Variants in TAFA1 observed in about 807,000 individuals in gnomAD.
TAFA1 encodes TAFA chemokine like family member 1.
TAFA1 carries 4 observed loss-of-function variants against 18.5 expected under a neutral mutation model. The observed-to-expected ratio is 0.22, with a 90% CI of 0.11 to 0.49. The LOEUF (loss-of-function observed/expected upper bound fraction) is 0.49, where lower values mean the gene tolerates loss of function less well. Among genes scored for constraint, TAFA1 ranks in the 20% least tolerant of loss-of-function variants. The pLI is 0.98. For synonymous variants in TAFA1, 56 were observed against 55.2 expected (o/e 1.01, Z -0.06); for missense variants, 147 against 169.0 (o/e 0.87, Z 0.72).
At chr3:68,508,266 C>T (rs1006965153) in intron 3 of TAFA1, among the ~76,000 whole-genome samples, 1 of 151,740 alleles carries the variant, frequency 6.6e-6, no homozygotes, top group Non-Finnish European at 1.5e-5. Flanking sequence ...TACTTGCTTA[C>T]TCCAAATGCT....
At chr3:68,070,635 C>T (rs2064742572) in intron 2 of TAFA1, among the ~76,000 whole-genome samples, 1 of 152,230 alleles carries the variant, frequency 6.6e-6, no homozygotes, top group Non-Finnish European at 1.5e-5. Context: ...CATTGTCAGG[C>T]TACACATTTT....
intron 2 of TAFA1, among the ~76,000 whole-genome samples, chr3:68,010,019 C>T (rs1316709673): frequency 3.3e-5 from 5 of 152,118 alleles, no homozygotes; most frequent in Non-Finnish European, 5.9e-5. Flanking sequence ...ATGAGACACC[C>T]GCAGACCCTG....
intron 2 of TAFA1, among the ~76,000 whole-genome samples, chr3:68,167,353 G>A (rs1006446350): frequency 7.2e-5 from 11 of 152,126 alleles, no homozygotes; most frequent in African/African-American, 2.4e-4. Flanking sequence ...TGAGGCAGGC[G>A]GATCACGAGG....
At chr3:68,008,514 C>T (rs1196258632) in intron 2 of TAFA1, among the ~76,000 whole-genome samples, 1 of 152,128 alleles carries the variant, frequency 6.6e-6, no homozygotes, top group Non-Finnish European at 1.5e-5. Flanking sequence ...TCTCCCCTTT[C>T]GCCCAGGAAA....
At chr3:68,542,616 T>C (rs914725576) in intron 4 of TAFA1, among the ~76,000 whole-genome samples, 3 of 152,138 alleles carry the variant, frequency 2.0e-5, no homozygotes, top group Non-Finnish European at 4.4e-5. Flanking sequence ...GAAAGTTTAT[T>C]TGGCAAAGGT....
chr3:68,222,559 A>G (rs972475884), intron 2 of TAFA1, among the ~76,000 whole-genome samples: 2 of 152,196 alleles, frequency 1.3e-5, no homozygotes, highest in Admixed American at 6.5e-5. Context: ...GTTTATTTGT[A>G]CAGGATCTTT....
chr3:68,326,986 G>A (rs939679095), intron 2 of TAFA1, among the ~76,000 whole-genome samples: 2 of 152,158 alleles, frequency 1.3e-5, no homozygotes, highest in African/African-American at 4.8e-5. Context: ...ATTCCAAGTT[G>A]TTATGGGAGG....
chr3:68,208,223 T>C (rs911157019), intron 2 of TAFA1, among the ~76,000 whole-genome samples: 18 of 151,956 alleles, frequency 1.2e-4, no homozygotes, highest in African/African-American at 3.9e-4. Context: ...ACCTGGTCAT[T>C]TTATTTCAAT....
the TAFA1 span, among the ~76,000 whole-genome samples, chr3:67,992,785 T>C: frequency 1.3e-5 from 2 of 152,214 alleles, no homozygotes; most frequent in African/African-American, 4.8e-5. Flanking sequence ...AGTTTTCCTC[T>C]TTCTCTTGTG....
intron 2 of TAFA1, among the ~76,000 whole-genome samples, chr3:68,106,657 C>A (rs550748664): frequency 6.6e-6 from 1 of 151,972 alleles, no homozygotes; most frequent in African/African-American, 2.4e-5. Flanking sequence ...AAAGGCAAGT[C>A]GATGGACTGG....
intron 2 of TAFA1, among the ~76,000 whole-genome samples, chr3:68,254,059 G>A (rs755781605): frequency 6.6e-6 from 1 of 151,972 alleles, no homozygotes; most frequent in African/African-American, 2.4e-5. Flanking sequence ...CTGTGTTTCT[G>A]TCTATCTGTC....
intron 2 of TAFA1, among the ~76,000 whole-genome samples, chr3:68,302,617 T>C (rs2068325029): frequency 6.6e-6 from 1 of 152,130 alleles, no homozygotes; most frequent in Admixed American, 6.5e-5. Flanking sequence ...ACTTGTCTTT[T>C]CCATTGTTGT....
chr3:68,060,486 G>A (rs1575596111), intron 2 of TAFA1, among the ~76,000 whole-genome samples: 1 of 152,222 alleles, frequency 6.6e-6, no homozygotes, highest in Admixed American at 6.5e-5. Flanking sequence ...CCTTGACGGA[G>A]TGAAACTAGG....
chr3:68,264,008 G>A lies in TAFA1; in HGVS notation c.119-153272G>A, dbSNP rs184247833. On this transcript the variant is annotated intron_variant, in intron 2 of 4. Coordinates refer to ENST00000478136, the MANE Select transcript of TAFA1 (RefSeq NM_213609.4). ...ATTTCGGTCAAAATAAAGTAGATTTGAGGCTGGGCACAGTGGCTCATGCCT... is the reference window on the plus strand; with the variant it reads ...ATTTCGGTCAAAATAAAGTAGATTTAAGGCTGGGCACAGTGGCTCATGCCT... Among the ~76,000 whole-genome samples, 34 of 152,060 alleles carry A rather than the reference G, an allele frequency of 2.2e-4. No individual in the cohort carries two copies. In the East Asian group the frequency reaches 4.3e-3, roughly 19 times the overall value.
intron 3 of TAFA1, among the ~76,000 whole-genome samples, chr3:68,479,433 T>C (rs1042059395): frequency 6.6e-6 from 1 of 151,992 alleles, no homozygotes; most frequent in African/African-American, 2.4e-5. Context: ...ATGTCCTAAA[T>C]GCAAGACTTC....
At chr3:68,390,153 C>T (rs923647276) in intron 2 of TAFA1, among the ~76,000 whole-genome samples, 20 of 152,268 alleles carry the variant, frequency 1.3e-4, no homozygotes, top group African/African-American at 4.6e-4. Context: ...ACCTGGGATG[C>T]TCAAGCTTGG....
At chr3:68,491,988 G>T (rs1443554433) in intron 3 of TAFA1, among the ~76,000 whole-genome samples, 1 of 152,074 alleles carries the variant, frequency 6.6e-6, no homozygotes, top group Non-Finnish European at 1.5e-5. Flanking sequence ...TACCTCAATA[G>T]TAAAAAACAT....
At chr3:68,366,928 C>T (rs1262342405) in intron 2 of TAFA1, among the ~76,000 whole-genome samples, 1 of 152,186 alleles carries the variant, frequency 6.6e-6, no homozygotes, top group African/African-American at 2.4e-5. Flanking sequence ...TGTATTCTGA[C>T]CTGTCAATTG....
rs181791439 is a variant in TAFA1, at chr3:68,177,932, C to T, written c.118+171188C>T. Among the ~76,000 whole-genome samples the T allele has an allele frequency of 1.6e-3, 243 of 152,260 alleles. 4 individuals are homozygous for T. In the East Asian group the frequency reaches 0.039, roughly 24 times the overall value. On this transcript the variant is annotated intron_variant, in intron 2 of 4. Coordinates refer to ENST00000478136, the MANE Select transcript of TAFA1 (RefSeq NM_213609.4). ...GTCCGAGGTGGGCGGATCACAAGGTCAGCAGATCGAGACCATCCTGGCTAA... is the reference window on the plus strand; with the variant it reads ...GTCCGAGGTGGGCGGATCACAAGGTTAGCAGATCGAGACCATCCTGGCTAA...
Sources: allele counts gnomAD v4.1 joint callset (sites outside exome capture counted in the v4.1 genomes callset), GRCh38; gene constraint gnomAD v4.1.1; transcripts MANE v1.5; gene names NCBI Gene and HGNC (gene_info 2026-07-23, HGNC 2026-07-21).